FAM76A: variants seen among roughly 807,000 people sequenced by gnomAD.
FAM76A encodes the protein family with sequence similarity 76 member A, also known as protein FAM76A.
FAM76A carries 32 observed loss-of-function variants against 46.2 expected under a neutral mutation model. The observed-to-expected ratio is 0.69, with a 90% confidence interval of 0.52 to 0.93. The LOEUF (loss-of-function observed/expected upper bound fraction) is 0.93, where lower values mean the gene tolerates loss of function less well. Among genes scored for constraint, FAM76A ranks in the 40% least tolerant of loss-of-function variants. FAM76A has a pLI of 0.00. For missense variants in FAM76A, 274 were observed against 361.5 expected, an observed-to-expected ratio of 0.76 and a Z score of 1.96; for synonymous variants, 137 against 127.0, an observed-to-expected ratio of 1.08 and a Z score of -0.53.
intron 4 of FAM76A, among the ~76,000 whole-genome samples, chr1:27,742,400 G>A (rs1214597733): frequency 6.6e-6 from 1 of 152,148 alleles, no homozygotes; most frequent in East Asian, 1.9e-4. Context: ...GCTCCATGGT[G>A]CAGAGTTACT....
chr1:27,757,188 CTTT>C (rs1182814614), intron 7 of FAM76A, among the ~76,000 whole-genome samples: 175 of 81,558 alleles, frequency 2.1e-3, no homozygotes, highest in African/African-American at 9.6e-3. Context: ...CTCATTTATT[CTTT>C]TTTTTTTTTT....
chr1:27,759,768 TTTTTTTTTTTG>T lies in FAM76A; in HGVS notation c.837+153_837+163del, dbSNP rs528117677. ...AATCATGTTAATCCCCCTTTTAGGT[TTTTTTTTTTTG>T]TTTTTTTTTTGAGACAGGTTCTCTG... On this transcript the variant is annotated intron_variant, in intron 8 of 8. Coordinates refer to ENST00000373954, the MANE Select transcript of FAM76A (RefSeq NM_152660.3). The T allele has an allele frequency of 5.2e-4, 321 of 622,678 alleles. 4 individuals are homozygous for T. In the African/African-American group the frequency reaches 6.5e-3, roughly 13 times the overall value. The allele number at this position is 622,678 out of a possible 1,614,324, so 38.6% of individuals were successfully genotyped here. A position where few individuals can be genotyped will look rare whatever the true frequency, so the allele number is the denominator to read the frequency against.
chr1:27,757,797 A>G (rs531806325), intron 7 of FAM76A, among the ~76,000 whole-genome samples: 10 of 152,246 alleles, frequency 6.6e-5, no homozygotes, highest in South Asian at 4.1e-4. Context: ...TAACACGGTG[A>G]AACCCTGTCT....
At chr1:27,747,638 C>T (rs1159005208) in intron 5 of FAM76A, among the ~76,000 whole-genome samples, 3 of 152,072 alleles carry the variant, frequency 2.0e-5, no homozygotes, top group Non-Finnish European at 4.4e-5. Flanking sequence ...CTAGACTGGC[C>T]GGGTGTGGTG....
intron 6 of FAM76A, among the ~76,000 whole-genome samples, chr1:27,750,537 AT>A (rs1169692540): frequency 1.3e-5 from 2 of 152,230 alleles, no homozygotes; most frequent in African/African-American, 2.4e-5. Context: ...ACCCTGCTTT[AT>A]AAAGGCCTAA....
intron 5 of FAM76A, among the ~76,000 whole-genome samples, chr1:27,748,543 T>A (rs954097194): frequency 1.3e-5 from 1 of 76,362 alleles, no homozygotes; most frequent in African/African-American, 5.3e-5. Context: ...GTGCAGTGGA[T>A]TGATCTCGGC....
intron 7 of FAM76A, among the ~76,000 whole-genome samples, chr1:27,757,381 G>T: frequency 6.8e-6 from 1 of 146,764 alleles, no homozygotes. Flanking sequence ...TTTTGTTTTT[G>T]ATTGAGACAG....
In FAM76A at chr1:27,759,766, G is replaced by GTTTTTTTTTTTTGT. The variant is rs1553179878; in HGVS notation, c.837+149_837+162dup. Reference sequence around the variant, plus strand: ...CAAATCATGTTAATCCCCCTTTTAGGTTTTTTTTTTTTGTTTTTTTTTTGA... The same window carrying GTTTTTTTTTTTTGT: ...CAAATCATGTTAATCCCCCTTTTAGGTTTTTTTTTTTTGTTTTTTTTTTTTTGTTTTTTTTTTGA... On this transcript the variant is annotated intron_variant, in intron 8 of 8. Transcript: ENST00000373954. The GTTTTTTTTTTTTGT allele has an allele frequency of 7.8e-5, 38 of 485,586 alleles. No individual in the cohort carries two copies. In the African/African-American group the frequency reaches 9.4e-4, roughly 12 times the overall value. The allele number at this position is 485,586 out of a possible 1,614,324, so 30.1% of individuals were successfully genotyped here. A position where few individuals can be genotyped will look rare whatever the true frequency, so the allele number is the denominator to read the frequency against.
intron 2 of FAM76A, among the ~76,000 whole-genome samples, chr1:27,728,561 A>C (rs941321335): frequency 6.6e-6 from 1 of 152,006 alleles, no homozygotes; most frequent in South Asian, 2.1e-4. Context: ...CATGTTACCC[A>C]GGCTGGTCTC....
intron 4 of FAM76A, among the ~76,000 whole-genome samples, chr1:27,737,311 T>C (rs533452276): frequency 6.6e-6 from 1 of 152,358 alleles, no homozygotes; most frequent in South Asian, 2.1e-4. Context: ...CTTGTGGATC[T>C]ATGTGCAATT....
intron 7 of FAM76A, among the ~76,000 whole-genome samples, chr1:27,759,236 A>C (rs2088463715): frequency 6.6e-6 from 1 of 152,214 alleles, no homozygotes; most frequent in South Asian, 2.1e-4. Context: ...ATAAAGATCT[A>C]CTGAAGTAAT....
At chr1:27,748,972 G>C (rs142598500) in intron 5 of FAM76A, 96 bp from the exon 6 acceptor site, 1 of 709,114 alleles carries the variant, frequency 1.4e-6, no homozygotes, top group African/African-American at 1.8e-5. Flanking sequence ...TAGAAGAGCT[G>C]CTGTCTTAAC....
At chr1:27,755,020 C>T (rs1464739515) in intron 6 of FAM76A, among the ~76,000 whole-genome samples, 175 bp from the exon 7 acceptor site, 1 of 152,120 alleles carries the variant, frequency 6.6e-6, no homozygotes, top group Non-Finnish European at 1.5e-5. Context: ...GCCACCTTAC[C>T]TCTGCAGTTC....
At chr1:27,759,028 A>G (rs1036062544) in intron 7 of FAM76A, among the ~76,000 whole-genome samples, 2 of 152,034 alleles carry the variant, frequency 1.3e-5, no homozygotes, top group Non-Finnish European at 1.5e-5. Flanking sequence ...TATTGTTAAT[A>G]CATCTCAAAG....
At chr1:27,758,398 C>A (rs916100961) in intron 7 of FAM76A, among the ~76,000 whole-genome samples, 1 of 152,196 alleles carries the variant, frequency 6.6e-6, no homozygotes, top group African/African-American at 2.4e-5. Flanking sequence ...CAAGTATATT[C>A]TCTCCATGGA....
intron 7 of FAM76A, among the ~76,000 whole-genome samples, chr1:27,757,808 C>T (rs977879637): frequency 6.6e-6 from 1 of 152,100 alleles, no homozygotes; most frequent in Non-Finnish European, 1.5e-5. Flanking sequence ...AACCCTGTCT[C>T]TACTAAAAAT....
At chr1:27,758,207 G>A (rs575187125) in intron 7 of FAM76A, among the ~76,000 whole-genome samples, 1 of 152,118 alleles carries the variant, frequency 6.6e-6, no homozygotes, top group Non-Finnish European at 1.5e-5. Flanking sequence ...AAACAGACCC[G>A]AAGAGGTTAA....
In FAM76A at chr1:27,762,009, T is replaced by G. The variant is rs892912057; in HGVS notation, c.*1428T>G. 4.6e-5 allele frequency: 7 copies of G among 152,082 alleles called. No individual in the cohort carries two copies. Among genetic ancestry groups the G allele is most frequent in the Admixed American group, 3.9e-4 (6 of 15,250 alleles). The allele number at this position is 152,082 out of a possible 1,614,324, so 9.4% of individuals were successfully genotyped here. The stretch of plus-strand genomic sequence containing the variant: ...ATAATATTTGAACTACAGAGCATTT[T>G]TGGGGTCAGCATGAGCTGCTCTAGT... On this transcript the variant is annotated 3_prime_UTR_variant, in exon 9 of 9. Coordinates refer to ENST00000373954, the MANE Select transcript of FAM76A (RefSeq NM_152660.3).
At chr1:27,738,490 T>A (rs961363629) in intron 4 of FAM76A, among the ~76,000 whole-genome samples, 12 of 149,376 alleles carry the variant, frequency 8.0e-5, no homozygotes, top group African/African-American at 2.3e-4. Context: ...AAAAAAATAA[T>A]AATAATAATA....
Sources: gnomAD v4.1 joint callset for allele counts (sites outside exome capture counted in the v4.1 genomes callset) on GRCh38, gnomAD v4.1.1 for gene constraint, MANE v1.5 for transcripts, NCBI Gene and HGNC (gene_info 2026-07-23, HGNC 2026-07-21) for gene names.